Variants in CCDC30 observed in about 807,000 individuals in gnomAD.
The protein encoded by CCDC30 is coiled-coil domain-containing protein 30.
In CCDC30, 70 loss-of-function variants were observed where a neutral mutation model predicts 100.2. The ratio of observed to expected loss-of-function variants is 0.70; its 90% CI spans 0.58 to 0.85. CCDC30 has a LOEUF of 0.85. CCDC30 is among the 40% of genes least tolerant of loss of function. CCDC30 has a pLI of 0.00. For missense variants in CCDC30, 652 were observed against 771.2 expected, an observed-to-expected ratio of 0.85 and a Z score of 1.83; for synonymous variants, 233 against 269.5, an observed-to-expected ratio of 0.86 and a Z score of 1.33.
chr1:42,475,754 A>G (rs1272960769), intron 1 of CCDC30, among the ~76,000 whole-genome samples: 1 of 152,172 alleles, frequency 6.6e-6, no homozygotes, highest in Non-Finnish European at 1.5e-5. Flanking sequence ...CACTTACCAC[A>G]CTATATTATA....
chr1:42,566,200 C>G (rs532158610), intron 6 of CCDC30, 96 bp from the exon 11 acceptor site: 267 of 900,874 alleles, frequency 3.0e-4, no homozygotes, highest in Non-Finnish European at 4.0e-4. Context: ...TGTGAATAAT[C>G]ACATTCTGAC....
rs12124887 is a variant in CCDC30, at chr1:42,596,758, C to G, written c.1164+7275C>G. On this transcript the variant is annotated intron_variant, in intron 10 of 16. Transcript: ENST00000668663. This position sits in a 1 kb window ranked among gnomAD's most constrained non-coding sequence, Gnocchi z 4.3. Reference sequence around the variant, plus strand: ...GCAAAAAAACAAACAAACAAACAAACAAAAACAGTTTGAACAGACAGAGCA... The same window carrying G: ...GCAAAAAAACAAACAAACAAACAAAGAAAAACAGTTTGAACAGACAGAGCA... 3.2e-4 allele frequency among the ~76,000 whole-genome samples: 8 copies of G among 24,642 alleles called. No individual in the cohort carries two copies. Among genetic ancestry groups the G allele is most frequent in the Middle Eastern group, 0.038 (2 of 52 alleles). 16.2% of individuals were successfully genotyped at this position (24,642 alleles called of 152,430 possible).
chr1:42,526,208 C>T (rs1557826096), intron 6 of CCDC30, among the ~76,000 whole-genome samples: 1 of 152,146 alleles, frequency 6.6e-6, no homozygotes, highest in Non-Finnish European at 1.5e-5. Flanking sequence ...AATTTCCACC[C>T]ATCTCTAGTG....
chr1:42,638,572 A>AAAAG (rs1647206590), intron 12 of CCDC30, among the ~76,000 whole-genome samples: 2 of 151,212 alleles, frequency 1.3e-5, no homozygotes, highest in Non-Finnish European at 3.0e-5. Flanking sequence ...AAAAAAAAAA[A>AAAAG]AAAAGAAAAG....
intron 6 of CCDC30, among the ~76,000 whole-genome samples, chr1:42,517,051 C>CCAAA (rs1644565583): frequency 6.6e-6 from 1 of 152,074 alleles, no homozygotes; most frequent in Non-Finnish European, 1.5e-5. Context: ...TTTTCTCCTA[C>CCAAA]TTTGTAGGTT....
chr1:42,631,793 C>T (rs1267314000), intron 11 of CCDC30, among the ~76,000 whole-genome samples: 3 of 152,138 alleles, frequency 2.0e-5, no homozygotes, highest in South Asian at 4.1e-4. Context: ...GCCAGACTAC[C>T]GCCAATGTTC....
chr1:42,650,281 G>C (rs1345702275), intron 15 of CCDC30, among the ~76,000 whole-genome samples: 1 of 152,010 alleles, frequency 6.6e-6, no homozygotes, highest in Non-Finnish European at 1.5e-5. Flanking sequence ...CCAGGAGTTT[G>C]AGACCAGCTT....
intron 11 of CCDC30, among the ~76,000 whole-genome samples, chr1:42,627,715 G>A (rs1646959439): frequency 6.6e-6 from 1 of 152,244 alleles, no homozygotes; most frequent in African/African-American, 2.4e-5. Flanking sequence ...GAGGGTAGAA[G>A]CTTCAAGCTT....
chr1:42,526,625 C>G (rs2148509549), intron 6 of CCDC30, among the ~76,000 whole-genome samples: 1 of 152,208 alleles, frequency 6.6e-6, no homozygotes, highest in Middle Eastern at 3.4e-3. Context: ...GAATGACTCT[C>G]TAGACTTAAT....
intron 12 of CCDC30, among the ~76,000 whole-genome samples, chr1:42,641,848 C>A (rs543136775): frequency 6.6e-6 from 1 of 151,872 alleles, no homozygotes; most frequent in South Asian, 2.1e-4. Context: ...AAGCAAGACT[C>A]CATGTCAAAA....
At chr1:42,556,749 C>T (rs1278132262) in intron 6 of CCDC30, among the ~76,000 whole-genome samples, 1 of 152,116 alleles carries the variant, frequency 6.6e-6, no homozygotes, top group Non-Finnish European at 1.5e-5. Context: ...CTAAGTCCAT[C>T]AGTTGATGCA....
intron 11 of CCDC30, among the ~76,000 whole-genome samples, chr1:42,623,023 A>C (rs111822895): frequency 1.3e-5 from 2 of 152,176 alleles, no homozygotes; most frequent in Admixed American, 1.3e-4. Flanking sequence ...TGCCATTTGT[A>C]TGTTTTCTTT....
chr1:42,535,710 T>TATATATAATA (rs1644888240), intron 6 of CCDC30, among the ~76,000 whole-genome samples: 1 of 99,648 alleles, frequency 1.0e-5, no homozygotes, highest in African/African-American at 4.3e-5. Context: ...ATATATATAT[T>TATATATAATA]ATATATATAA....
intron 6 of CCDC30, chr1:42,545,528 C>T (rs1266034338): frequency 6.2e-7 from 1 of 1,604,552 alleles, no homozygotes; most frequent in African/African-American, 1.3e-5. Context: ...TCTAATGAAC[C>T]AATTTTGGAA....
intron 13 of CCDC30, among the ~76,000 whole-genome samples, chr1:42,644,237 C>T (rs1647687661): frequency 6.6e-6 from 1 of 152,166 alleles, no homozygotes. Flanking sequence ...GAGAGCCAGT[C>T]CGAGTCCCAA....
chr1:42,487,909 C>G (rs189259389), intron 3 of CCDC30, among the ~76,000 whole-genome samples: 14 of 152,296 alleles, frequency 9.2e-5, no homozygotes, highest in Admixed American at 9.2e-4. Flanking sequence ...CCCCGGCACA[C>G]CATGCCCGGA....
exon 11 of CCDC30, chr1:42,611,084 A>G (rs773991143): frequency 2.5e-6 from 4 of 1,570,816 alleles, no homozygotes; most frequent in Non-Finnish European, 3.5e-6. Context: ...CTTAATGTCC[A>G]TGTGAGGTAA....
At position 42,518,895 on chromosome 1, in the gene CCDC30, T is replaced by C. The variant is rs150318412; in HGVS notation, c.456+19979T>C. Among the ~76,000 whole-genome samples the C allele has an allele frequency of 1.4e-3, 217 of 152,350 alleles. 1 individual carries two copies. The highest frequency in any genetic ancestry group is 5.0e-3 in the Admixed American group (76 of 15,308). Reference sequence around the variant, plus strand: ...GCAAAAGCTTTCAGTCTTTCCACCATTGAGTATAATGTTCACTGTGGATTT... The same window carrying C: ...GCAAAAGCTTTCAGTCTTTCCACCACTGAGTATAATGTTCACTGTGGATTT... On this transcript the variant is annotated intron_variant, in intron 6 of 16. Transcript: ENST00000668663.
intron 6 of CCDC30, among the ~76,000 whole-genome samples, chr1:42,517,115 G>T (rs1042988714): frequency 3.9e-5 from 6 of 152,090 alleles, no homozygotes; most frequent in Non-Finnish European, 8.8e-5. Flanking sequence ...ACAGGGTCTT[G>T]CTCTGTCACT....
Sources: gnomAD v4.1 joint callset for allele counts (sites outside exome capture counted in the v4.1 genomes callset) on GRCh38, gnomAD v4.1.1 for gene constraint, Gnocchi (gnomAD v3.1) non-coding constraint, MANE v1.5 for transcripts, NCBI Gene and HGNC (gene_info 2026-07-23, HGNC 2026-07-21) for gene names.